Variants in HS6ST3 observed in about 807,000 individuals in gnomAD.
HS6ST3 encodes the protein heparan sulfate 6-O-sulfotransferase 3.
HS6ST3 carries 12 observed loss-of-function variants against 36.7 expected under a neutral mutation model. The observed-to-expected ratio is 0.33, with a 90% CI of 0.21 to 0.53. HS6ST3 has a LOEUF of 0.53. Ranked by LOEUF, HS6ST3 falls within the 20% of genes least tolerant of loss-of-function variation. HS6ST3 has a pLI of 0.95. For missense variants in HS6ST3, 584 were observed against 640.9 expected (o/e 0.91, Z 0.96); for synonymous variants, 240 against 257.5 (o/e 0.93, Z 0.65).
At chr13:96,489,375 AACACACACAC>A (rs67334904) in intron 1 of HS6ST3, among the ~76,000 whole-genome samples, 1 of 147,992 alleles carries the variant, frequency 6.8e-6, no homozygotes, top group African/African-American at 2.5e-5. Context: ...TGTATATACA[AACACACACAC>A]ACACACACAC....
chr13:96,338,256 C>T (rs1368411647), intron 1 of HS6ST3, among the ~76,000 whole-genome samples: 3 of 152,050 alleles, frequency 2.0e-5, no homozygotes, highest in Non-Finnish European at 4.4e-5. Flanking sequence ...CGGTGAGCCA[C>T]GTTGCTAAGA....
intron 1 of HS6ST3, among the ~76,000 whole-genome samples, chr13:96,467,167 G>A (rs2055818225): frequency 2.6e-5 from 4 of 152,016 alleles, no homozygotes; most frequent in African/African-American, 7.2e-5. Flanking sequence ...ACCGTTCCCA[G>A]CCTTGTTTTT....
At chr13:96,321,161 T>C (rs2055001144) in intron 1 of HS6ST3, among the ~76,000 whole-genome samples, 1 of 152,112 alleles carries the variant, frequency 6.6e-6, no homozygotes, top group African/African-American at 2.4e-5. Flanking sequence ...TTCTTTCAGC[T>C]TATACGAAGA....
At chr13:96,549,268 A>T (rs1216237660) in intron 1 of HS6ST3, among the ~76,000 whole-genome samples, 1 of 152,188 alleles carries the variant, frequency 6.6e-6, no homozygotes, top group East Asian at 1.9e-4. Flanking sequence ...ATGCAGAATA[A>T]AGAACTTCTG....
intron 1 of HS6ST3, among the ~76,000 whole-genome samples, chr13:96,764,524 C>T (rs1315944642): frequency 6.6e-6 from 1 of 152,170 alleles, no homozygotes; most frequent in Non-Finnish European, 1.5e-5. Flanking sequence ...AGTGTCGTTG[C>T]CCACTCATTC....
At chr13:96,663,890 A>G (rs578048482) in intron 1 of HS6ST3, among the ~76,000 whole-genome samples, 11 of 152,268 alleles carry the variant, frequency 7.2e-5, no homozygotes, top group African/African-American at 2.6e-4. Context: ...ACAAATCTCT[A>G]TATTGTATGA....
At chr13:96,638,828 A>G (rs913875869) in intron 1 of HS6ST3, among the ~76,000 whole-genome samples, 2 of 151,968 alleles carry the variant, frequency 1.3e-5, no homozygotes, top group Admixed American at 6.6e-5. Flanking sequence ...TAATCATCCT[A>G]TGTAATCACA....
intron 1 of HS6ST3, among the ~76,000 whole-genome samples, chr13:96,655,905 C>T (rs2056622972): frequency 6.6e-6 from 1 of 152,102 alleles, no homozygotes; most frequent in Non-Finnish European, 1.5e-5. Flanking sequence ...TTGTGCATCT[C>T]AAGGACGAAG....
At chr13:96,696,505 G>C (rs567043774) in intron 1 of HS6ST3, among the ~76,000 whole-genome samples, 78 of 152,262 alleles carry the variant, frequency 5.1e-4, no homozygotes, top group African/African-American at 1.7e-3. Context: ...TGGAGAGAAA[G>C]AAGTCCCAAC....
At chr13:96,132,430 G>C (rs1055201560) in intron 1 of HS6ST3, among the ~76,000 whole-genome samples, 1 of 150,962 alleles carries the variant, frequency 6.6e-6, no homozygotes, top group Non-Finnish European at 1.5e-5. Flanking sequence ...TTTAAGACAG[G>C]GTCTTGCTCT....
chr13:96,836,026 G>A lies in HS6ST3; in HGVS notation c.*2828G>A, dbSNP rs1433954755. On this transcript the variant is annotated 3_prime_UTR_variant, in exon 2 of 2. Coordinates refer to ENST00000376705, the MANE Select transcript of HS6ST3 (RefSeq NM_153456.4). ...TATGTTGATAGAAATGGAGAGGTAG[G>A]GATACAGTTTATTCTCCAAAAATGG... 1 of 152,166 alleles carries A rather than the reference G, an allele frequency of 6.6e-6. No homozygotes were observed. The highest frequency in any genetic ancestry group is 2.1e-4 in the South Asian group (1 of 4,818). The allele number at this position is 152,166 out of a possible 1,614,324, so 9.4% of individuals were successfully genotyped here. A position where few individuals can be genotyped will look rare whatever the true frequency, so the allele number is the denominator to read the frequency against.
chr13:96,173,700 C>A (rs1302773466), intron 1 of HS6ST3, among the ~76,000 whole-genome samples: 1 of 144,714 alleles, frequency 6.9e-6, no homozygotes, highest in African/African-American at 2.5e-5. Context: ...AAAATGGAGT[C>A]CAGAGGATAG....
chr13:96,090,973 C>T lies in HS6ST3; in HGVS notation c.111C>T (p.Phe37=). ...CCTGCACCAGCTCCTGCACCAACTT[C>T]GGGGAGCAGCCCCGCGCGGGGGAGG... ...SPSCTSSCTN[F]GEQPRAGEAG... The change falls in exon 1 of 2, where the codon TTC becomes TTT. Residue 37 remains phenylalanine (F), a synonymous_variant. Coordinates refer to ENST00000376705, the MANE Select transcript of HS6ST3 (RefSeq NM_153456.4). 1 of 1,405,382 alleles carries T rather than the reference C, an allele frequency of 7.1e-7. No individual in the cohort carries two copies. Among genetic ancestry groups the T allele is most frequent in the Non-Finnish European group, 9.4e-7 (1 of 1,068,842 alleles). 87.1% of individuals were successfully genotyped at this position (1,405,382 alleles called of 1,614,324 possible). A position where few individuals can be genotyped will look rare whatever the true frequency, so the allele number is the denominator to read the frequency against.
rs200686308 is a variant in HS6ST3 at position 96,090,963 on chromosome 13, G to A, written c.101G>A (p.Cys34Tyr). ...GTGTCCCCCTCCTGCACCAGCTCCT[G>A]CACCAACTTCGGGGAGCAGCCCCGC... ...QYVSPSCTSS[C>Y]TNFGEQPRAG... The change falls in exon 1 of 2, where the codon TGC becomes TAC. Residue 34 changes from cysteine (C) to tyrosine (Y), a missense_variant. Transcript: ENST00000376705. 2.8e-6 allele frequency: 4 copies of A among 1,424,486 alleles called. No individual in the cohort carries two copies. Among genetic ancestry groups the A allele is most frequent in the Non-Finnish European group, 3.7e-6 (4 of 1,078,756 alleles). The allele number at this position is 1,424,486 out of a possible 1,614,324, so 88.2% of individuals were successfully genotyped here. A position where few individuals can be genotyped will look rare whatever the true frequency, so the allele number is the denominator to read the frequency against.
chr13:96,597,152 C>A (rs1025986877), intron 1 of HS6ST3, among the ~76,000 whole-genome samples: 2 of 152,016 alleles, frequency 1.3e-5, no homozygotes, highest in African/African-American at 4.8e-5. Flanking sequence ...AATACATGGA[C>A]ACAAAGAGGG....
At chr13:96,099,585 C>T (rs1048219468) in intron 1 of HS6ST3, among the ~76,000 whole-genome samples, 3 of 152,108 alleles carry the variant, frequency 2.0e-5, no homozygotes, top group South Asian at 2.1e-4. Flanking sequence ...CCTGTGGGCA[C>T]GTAAATATTT....
At chr13:96,792,217 C>A (rs986714176) in intron 1 of HS6ST3, among the ~76,000 whole-genome samples, 1 of 151,988 alleles carries the variant, frequency 6.6e-6, no homozygotes, top group African/African-American at 2.4e-5. Flanking sequence ...CATGGTTTCA[C>A]AGCAAGATTG....
At chr13:96,126,592 C>T (rs941600928) in intron 1 of HS6ST3, among the ~76,000 whole-genome samples, 15 of 152,186 alleles carry the variant, frequency 9.9e-5, no homozygotes, top group South Asian at 8.3e-4. Flanking sequence ...TGCTGGGGCT[C>T]CATGCACATA....
At chr13:96,814,686 T>C (rs543899253) in intron 1 of HS6ST3, among the ~76,000 whole-genome samples, 1 of 152,284 alleles carries the variant, frequency 6.6e-6, no homozygotes, top group African/African-American at 2.4e-5. Flanking sequence ...CTTACATTAA[T>C]TTCTCATATT....
Sources: allele counts gnomAD v4.1 joint callset (sites outside exome capture counted in the v4.1 genomes callset), GRCh38; gene constraint gnomAD v4.1.1; transcripts MANE v1.5; gene names NCBI Gene and HGNC (gene_info 2026-07-23, HGNC 2026-07-21).